Variants in UTS2B observed in about 807,000 individuals in gnomAD.
The protein encoded by UTS2B is urotensin-2B.
In UTS2B, 21 loss-of-function variants were observed where a neutral mutation model predicts 19.2. The observed-to-expected ratio is 1.09, with a 90% CI of 0.78 to 1.58. The LOEUF (loss-of-function observed/expected upper bound fraction) is 1.58. UTS2B is among the 40% of genes most tolerant of loss of function. UTS2B has a pLI of 0.00. For missense variants in UTS2B, 138 were observed against 130.3 expected, an observed-to-expected ratio of 1.06 and a Z score of -0.29; for synonymous variants, 57 against 50.2, an observed-to-expected ratio of 1.14 and a Z score of -0.58.
chr3:191,303,468 G>C (rs892422763), intron 4 of UTS2B, among the ~76,000 whole-genome samples: 5 of 151,616 alleles, frequency 3.3e-5, no homozygotes, highest in Non-Finnish European at 7.4e-5. Context: ...ACACACATTT[G>C]CTCTGAAAAG....
the UTS2B span, among the ~76,000 whole-genome samples, chr3:191,338,291 T>C: frequency 6.6e-6 from 1 of 152,348 alleles, no homozygotes; most frequent in Admixed American, 6.5e-5. Context: ...GGTTTTTCTT[T>C]TATATTATGA....
chr3:191,314,862 G>C (rs1375559169), intron 3 of UTS2B, among the ~76,000 whole-genome samples: 2 of 152,252 alleles, frequency 1.3e-5, no homozygotes, highest in East Asian at 3.9e-4. Flanking sequence ...GGAGGATGGG[G>C]CTCCCAGGGA....
At chr3:191,323,415 C>T (rs1026949736) in intron 2 of UTS2B, among the ~76,000 whole-genome samples, 2 of 152,140 alleles carry the variant, frequency 1.3e-5, no homozygotes, top group Admixed American at 1.3e-4. Flanking sequence ...GTGGTTCGCC[C>T]ACCTGGACCT....
intron 4 of UTS2B, among the ~76,000 whole-genome samples, chr3:191,298,213 A>T (rs1716906199): frequency 6.7e-6 from 1 of 150,190 alleles, no homozygotes; most frequent in Non-Finnish European, 1.5e-5. Flanking sequence ...ACCTTGTGAA[A>T]AATGTATACA....
upstream of UTS2B, among the ~76,000 whole-genome samples, chr3:191,334,926 G>A (rs1234919713): frequency 1.3e-5 from 2 of 152,102 alleles, no homozygotes; most frequent in South Asian, 2.1e-4. Flanking sequence ...ATTACTGAGT[G>A]AACTGTAGGA....
chr3:191,334,743 C>T (rs555784893), upstream of UTS2B, among the ~76,000 whole-genome samples: 149 of 152,072 alleles, frequency 9.8e-4, no homozygotes, highest in African/African-American at 3.5e-3. Context: ...TCTGTAGATG[C>T]GAAAGATTCA....
intron 4 of UTS2B, among the ~76,000 whole-genome samples, chr3:191,286,233 A>G (rs1448761512): frequency 6.6e-6 from 1 of 152,210 alleles, no homozygotes; most frequent in Non-Finnish European, 1.5e-5. Flanking sequence ...ACAGACAGAA[A>G]ATCAATAGGG....
At chr3:191,304,709 G>A (rs1366876330) in intron 3 of UTS2B, among the ~76,000 whole-genome samples, 161 bp from the exon 4 acceptor site, 3 of 152,170 alleles carry the variant, frequency 2.0e-5, no homozygotes, top group South Asian at 2.1e-4. Flanking sequence ...TGCAGGATGT[G>A]CAGGTTTGTT....
At chr3:191,332,458 A>G (rs1245934476), upstream of UTS2B, among the ~76,000 whole-genome samples, 1 of 152,236 alleles carries the variant, frequency 6.6e-6, no homozygotes, top group Non-Finnish European at 1.5e-5. Context: ...GAACATCTGT[A>G]TACTTTTTGT....
At chr3:191,282,727 C>T (rs1221465582) in intron 4 of UTS2B, among the ~76,000 whole-genome samples, 1 of 152,166 alleles carries the variant, frequency 6.6e-6, no homozygotes, top group Non-Finnish European at 1.5e-5. Flanking sequence ...GCAACTATCA[C>T]TTTGTTCTTA....
chr3:191,303,859 C>T lies in UTS2B; in HGVS notation c.-125+633G>A, dbSNP rs567098694. On this transcript the variant is annotated intron_variant, in intron 4 of 8. Transcript: ENST00000340524. The stretch of plus-strand genomic sequence containing the variant: ...GCCATTTAAGATTAGAATCTGGCCA[C>T]GCAGATGTGGTCAGAGAACAGGATG... Among the ~76,000 whole-genome samples, 18 of 103,226 alleles carry T rather than the reference C, an allele frequency of 1.7e-4. No individual in the cohort carries two copies. The East Asian group carries it at 3.1e-3, about 18-fold the overall frequency. The allele number at this position is 103,226 out of a possible 152,430, so 67.7% of individuals were successfully genotyped here.
At chr3:191,303,113 C>T (rs934847307) in intron 4 of UTS2B, among the ~76,000 whole-genome samples, 1 of 152,226 alleles carries the variant, frequency 6.6e-6, no homozygotes, top group African/African-American at 2.4e-5. Flanking sequence ...TTCTTCCCTT[C>T]AGCACCCCAT....
intron 4 of UTS2B, among the ~76,000 whole-genome samples, chr3:191,300,339 T>C (rs1265035666): frequency 6.6e-6 from 1 of 151,910 alleles, no homozygotes; most frequent in Non-Finnish European, 1.5e-5. Flanking sequence ...TGAGCCACCG[T>C]GCCTGGCCTG....
rs529537679 is a variant in UTS2B, at chr3:191,310,603, T to C, written c.-182+5433A>G. 2.0e-5 allele frequency among the ~76,000 whole-genome samples: 3 copies of C among 152,328 alleles called. 1 individual carries two copies. In the South Asian group the frequency reaches 6.2e-4, roughly 32 times the overall value. On this transcript the variant is annotated intron_variant, in intron 3 of 8. Coordinates refer to ENST00000340524, the MANE Select transcript of UTS2B (RefSeq NM_198152.5). The stretch of plus-strand genomic sequence containing the variant: ...CTGTGAGTAATGAACTGTCATTTGT[T>C]TCTAACCCAAGAATCTCATGTTTTC...
At chr3:191,271,077 G>A (rs1421656262) in intron 8 of UTS2B, among the ~76,000 whole-genome samples, 1 of 151,810 alleles carries the variant, frequency 6.6e-6, no homozygotes, top group East Asian at 1.9e-4. Context: ...GTGGCCACAT[G>A]CCTGTAGTCC....
At chr3:191,331,995 C>T (rs1042865364), upstream of UTS2B, among the ~76,000 whole-genome samples, 7 of 152,124 alleles carry the variant, frequency 4.6e-5, no homozygotes, top group Non-Finnish European at 8.8e-5. Flanking sequence ...TTAATTTAAA[C>T]TTTTGATAGA....
intron 7 of UTS2B, 131 bp from the exon 8 acceptor site, chr3:191,275,476 C>A: frequency 1.6e-6 from 1 of 645,080 alleles, no homozygotes; most frequent in South Asian, 1.8e-5. Flanking sequence ...GTCAGGCGAT[C>A]AAGACCATCC....
At chr3:191,284,866 G>A (rs982132927) in intron 4 of UTS2B, among the ~76,000 whole-genome samples, 2 of 152,036 alleles carry the variant, frequency 1.3e-5, no homozygotes, top group African/African-American at 4.8e-5. Flanking sequence ...TGAAGGAGAT[G>A]TAAAGACTTT....
Position 191,278,132 on chromosome 3 carries a change from C to A in UTS2B, c.142G>T (p.Glu48Ter). Residue 48 changes from glutamate to a stop codon, truncating the protein, a stop_gained, in exon 6 of 9, where the codon GAG (glutamate) becomes TAG (stop). Coordinates refer to ENST00000340524, the MANE Select transcript of UTS2B (RefSeq NM_198152.5). LOFTEE classifies it high-confidence loss of function. ...IFPDKKYTNR[E>*]ELLLALLNKN... ...TTCAGTAGAGCCAGCAATAGTTCCT[C>A]ACGATTTGTATATTTTTTATCTGGA... 6.4e-7 allele frequency: 1 copy of A among 1,563,616 alleles called. No homozygotes were observed. The highest frequency in any genetic ancestry group is 8.6e-7 in the Non-Finnish European group (1 of 1,158,492).
Sources: allele counts gnomAD v4.1 joint callset (sites outside exome capture counted in the v4.1 genomes callset), GRCh38; gene constraint gnomAD v4.1.1; transcripts MANE v1.5; gene names NCBI Gene and HGNC (gene_info 2026-07-23, HGNC 2026-07-21).